Variants in TNIK observed in about 807,000 individuals in gnomAD.
TNIK encodes TRAF2 and NCK-interacting protein kinase.
A neutral mutation model predicts 191.3 loss-of-function variants in TNIK; 49 were observed. The ratio of observed to expected loss-of-function variants is 0.26; its 90% CI spans 0.20 to 0.32. The LOEUF (loss-of-function observed/expected upper bound fraction) is 0.32. TNIK is among the 10% of genes least tolerant of loss of function. The pLI is 1.00. For synonymous variants in TNIK, 594 were observed against 600.9 expected, an observed-to-expected ratio of 0.99 and a Z score of 0.17; for missense variants, 1,155 against 1,702.3, an observed-to-expected ratio of 0.68 and a Z score of 5.66.
chr3:171,157,770 G>A lies in TNIK; in HGVS notation c.1017-106C>T, dbSNP rs1451354065. On this transcript the variant is annotated intron_variant, in intron 11 of 32. Coordinates refer to ENST00000436636, the MANE Select transcript of TNIK (RefSeq NM_015028.4). ...GACAAATGATTCACCCACACACAGGGAAAGAAGAGCACAGGCTCCTAGATC... is the reference window on the plus strand; with the variant it reads ...GACAAATGATTCACCCACACACAGGAAAAGAAGAGCACAGGCTCCTAGATC... The A allele has an allele frequency of 1.8e-5, 21 of 1,154,572 alleles. No individual in the cohort carries two copies. In the Admixed American group the frequency reaches 4.6e-4, roughly 25 times the overall value. The allele number at this position is 1,154,572 out of a possible 1,614,324, so 71.5% of individuals were successfully genotyped here.
intron 1 of TNIK, among the ~76,000 whole-genome samples, chr3:171,454,482 A>G (rs764477349): frequency 1.3e-5 from 2 of 152,222 alleles, no homozygotes; most frequent in Admixed American, 6.5e-5. Flanking sequence ...TAAGTAGATA[A>G]TTATGCAAAC....
At chr3:171,393,796 T>C (rs1295176359) in intron 1 of TNIK, among the ~76,000 whole-genome samples, 1 of 152,162 alleles carries the variant, frequency 6.6e-6, no homozygotes, top group Non-Finnish European at 1.5e-5. Flanking sequence ...TGTTCATTTA[T>C]CAGGTATTTA....
At chr3:171,150,873 C>T (rs1576972615) in intron 12 of TNIK, among the ~76,000 whole-genome samples, 1 of 152,224 alleles carries the variant, frequency 6.6e-6, no homozygotes, top group African/African-American at 2.4e-5. Flanking sequence ...TTACACTAAA[C>T]AGGGAAGGTA....
intron 3 of TNIK, among the ~76,000 whole-genome samples, chr3:171,213,574 A>G (rs1423580373): frequency 6.6e-6 from 1 of 152,186 alleles, no homozygotes; most frequent in African/African-American, 2.4e-5. Flanking sequence ...TAAGAAAATA[A>G]GAGCTTATAA....
intron 2 of TNIK, among the ~76,000 whole-genome samples, chr3:171,245,163 G>A (rs923132983): frequency 7.9e-5 from 12 of 152,192 alleles, no homozygotes; most frequent in Admixed American, 6.5e-5. Flanking sequence ...GGTGCCAGCT[G>A]TGTAGGGACT....
At chr3:171,378,232 A>C (rs1207192612) in intron 1 of TNIK, among the ~76,000 whole-genome samples, 1 of 152,208 alleles carries the variant, frequency 6.6e-6, no homozygotes, top group East Asian at 1.9e-4. Context: ...AATTACTTTA[A>C]GCTAACCAAT....
At chr3:171,277,055 C>T (rs936231946) in intron 2 of TNIK, among the ~76,000 whole-genome samples, 17 of 152,178 alleles carry the variant, frequency 1.1e-4, no homozygotes, top group Non-Finnish European at 2.5e-4. Flanking sequence ...GGGCTCTGCC[C>T]TCACGAATGA....
chr3:171,401,588 T>G (rs4894436), intron 1 of TNIK, among the ~76,000 whole-genome samples: 93,597 of 151,186 alleles, frequency 0.62, 30,009 homozygotes, highest in African/African-American at 0.67. Context: ...ATAGTCTCTG[T>G]GCACTGCTCA....
At chr3:171,236,732 C>T (rs560802359) in intron 2 of TNIK, among the ~76,000 whole-genome samples, 1 of 152,290 alleles carries the variant, frequency 6.6e-6, no homozygotes, top group East Asian at 1.9e-4. Context: ...CTGTCTTTCC[C>T]CTCAGGACCT....
intron 23 of TNIK, among the ~76,000 whole-genome samples, chr3:171,091,954 C>CTTTCT (rs775363356): frequency 1.2e-4 from 18 of 144,340 alleles, no homozygotes; most frequent in South Asian, 4.5e-4. Flanking sequence ...TTCTTTCTTT[C>CTTTCT]TTTTTTTTTT....
chr3:171,393,912 T>G (rs1341404460), intron 1 of TNIK, among the ~76,000 whole-genome samples: 2 of 152,216 alleles, frequency 1.3e-5, no homozygotes, highest in Non-Finnish European at 2.9e-5. Flanking sequence ...AAATACATAT[T>G]TTTTCACATT....
intron 12 of TNIK, among the ~76,000 whole-genome samples, chr3:171,152,854 C>T (rs1350311775): frequency 6.6e-6 from 1 of 151,390 alleles, no homozygotes; most frequent in Non-Finnish European, 1.5e-5. Context: ...TCACTGCAAA[C>T]TCCGCCTCCC....
At chr3:171,256,731 C>A (rs1211299850) in intron 2 of TNIK, among the ~76,000 whole-genome samples, 4 of 152,122 alleles carry the variant, frequency 2.6e-5, no homozygotes, top group Non-Finnish European at 5.9e-5. Context: ...TGAATTCTGA[C>A]CATCCCCATT....
intron 1 of TNIK, among the ~76,000 whole-genome samples, chr3:171,422,586 A>G (rs2108634692): frequency 6.6e-6 from 1 of 152,334 alleles, no homozygotes; most frequent in Middle Eastern, 3.4e-3. Flanking sequence ...TGGAAAAAAT[A>G]AACTTACTTT....
intron 10 of TNIK, among the ~76,000 whole-genome samples, chr3:171,166,846 T>C (rs549927185): frequency 6.6e-6 from 1 of 152,328 alleles, no homozygotes; most frequent in South Asian, 2.1e-4. Context: ...CATAGTATCA[T>C]TCAACATGAC....
chr3:171,327,789 T>C lies in TNIK; in HGVS notation c.123+41831A>G, dbSNP rs59163112. On this transcript the variant is annotated intron_variant, in intron 2 of 32. Coordinates refer to ENST00000436636, the MANE Select transcript of TNIK (RefSeq NM_015028.4). Reference sequence around the variant, plus strand: ...GCTGCATAAAGGAAGGTGTAACGGGTGCCCCTTCATCATCTTAGCCAGACC... The same window carrying C: ...GCTGCATAAAGGAAGGTGTAACGGGCGCCCCTTCATCATCTTAGCCAGACC... Among the ~76,000 whole-genome samples, 1,244 of 150,902 alleles carry C rather than the reference T, an allele frequency of 8.2e-3. 18 individuals are homozygous for C. The highest frequency in any genetic ancestry group is 0.029 in the African/African-American group (1,185 of 41,116).
At chr3:171,294,329 C>CA (rs1276410175) in intron 2 of TNIK, among the ~76,000 whole-genome samples, 2 of 152,120 alleles carry the variant, frequency 1.3e-5, no homozygotes, top group East Asian at 3.8e-4. Flanking sequence ...GAGGCTGAGG[C>CA]AAGAGGATCA....
chr3:171,263,825 C>T (rs755205267), intron 2 of TNIK, among the ~76,000 whole-genome samples: 59 of 151,548 alleles, frequency 3.9e-4, no homozygotes, highest in African/African-American at 5.8e-4. Context: ...ATGGAAGCAA[C>T]CCTTAAACTG....
intron 2 of TNIK, among the ~76,000 whole-genome samples, chr3:171,257,625 C>T (rs979043705): frequency 6.6e-5 from 10 of 152,194 alleles, no homozygotes; most frequent in South Asian, 2.1e-4. Context: ...ATGTCAGGTA[C>T]TTGAGAACCC....
Sources: allele counts gnomAD v4.1 joint callset (sites outside exome capture counted in the v4.1 genomes callset), GRCh38; gene constraint gnomAD v4.1.1; transcripts MANE v1.5; gene names NCBI Gene and HGNC (gene_info 2026-07-23, HGNC 2026-07-21).